The following COL24A1 variants were observed in gnomAD, a reference collection of about 807,000 sequenced individuals.
COL24A1 encodes the protein collagen type XXIV alpha 1 chain.
A neutral mutation model predicts 253.9 loss-of-function variants in COL24A1; 224 were observed. The observed-to-expected ratio is 0.88, with a 90% CI of 0.79 to 0.99. COL24A1 has a LOEUF of 0.99. COL24A1 is among the 50% of genes least tolerant of loss of function. COL24A1 has a pLI of 0.00. For synonymous variants in COL24A1, 685 were observed against 673.7 expected, an observed-to-expected ratio of 1.02 and a Z score of -0.26; for missense variants, 2,131 against 2,068.5, an observed-to-expected ratio of 1.03 and a Z score of -0.59.
At chr1:86,073,416 T>C (rs980496260) in intron 7 of COL24A1, among the ~76,000 whole-genome samples, 2 of 151,698 alleles carry the variant, frequency 1.3e-5, no homozygotes, top group Non-Finnish European at 2.9e-5. Flanking sequence ...GAAGACAAGA[T>C]TAGAGAAAAA....
At chr1:85,892,690 T>C (rs1185393079) in intron 31 of COL24A1, among the ~76,000 whole-genome samples, 1 of 152,086 alleles carries the variant, frequency 6.6e-6, no homozygotes, top group Non-Finnish European at 1.5e-5. Flanking sequence ...TATATGTAGA[T>C]GTAATACATA....
At chr1:85,950,728 A>C (rs1357119577) in intron 24 of COL24A1, among the ~76,000 whole-genome samples, 1 of 152,224 alleles carries the variant, frequency 6.6e-6, no homozygotes, top group East Asian at 1.9e-4. Context: ...AGAAGGGAAA[A>C]GACATATTCA....
At chr1:85,900,222 C>T (rs530498994) in intron 28 of COL24A1, among the ~76,000 whole-genome samples, 1 of 152,246 alleles carries the variant, frequency 6.6e-6, no homozygotes, top group East Asian at 1.9e-4. Flanking sequence ...ATACCAATGT[C>T]ATTTTTCACA....
intron 7 of COL24A1, among the ~76,000 whole-genome samples, chr1:86,072,711 C>T (rs1428155450): frequency 7.2e-5 from 11 of 152,098 alleles, no homozygotes; most frequent in Admixed American, 7.2e-4. Context: ...CAGCAGGGGT[C>T]GACAGACACC....
At chr1:85,825,368 A>G (rs1243657342) in intron 43 of COL24A1, among the ~76,000 whole-genome samples, 2 of 152,028 alleles carry the variant, frequency 1.3e-5, no homozygotes, top group Non-Finnish European at 1.5e-5. Flanking sequence ...ATTGTGAATA[A>G]CGCCGCAATA....
At chr1:85,993,617 G>C (rs917411334) in intron 19 of COL24A1, among the ~76,000 whole-genome samples, 1 of 151,980 alleles carries the variant, frequency 6.6e-6, no homozygotes, top group Non-Finnish European at 1.5e-5. Context: ...GGGTTTGACA[G>C]ATATGTTCAT....
intron 35 of COL24A1, among the ~76,000 whole-genome samples, chr1:85,871,497 C>A (rs1366751496): frequency 6.6e-6 from 1 of 152,186 alleles, no homozygotes; most frequent in South Asian, 2.1e-4. Context: ...GCTTATCCAC[C>A]ATGATCAAGT....
At position 85,737,391 on chromosome 1, in the gene COL24A1, C is replaced by T; in HGVS notation, c.4782+5G>A. 1 of 1,599,666 alleles carries T rather than the reference C, an allele frequency of 6.3e-7. No individual in the cohort carries two copies. Among genetic ancestry groups the T allele is most frequent in the Non-Finnish European group, 8.6e-7 (1 of 1,169,052 alleles). On this transcript the variant is annotated splice_donor_5th_base_variant and intron_variant, in intron 58 of 59. Transcript: ENST00000370571. ...CGACATGTGTTCTAAAATTCAGTAACATACCTTTGTTACAGAAACAGGAGG... is the reference window on the plus strand; with the variant it reads ...CGACATGTGTTCTAAAATTCAGTAATATACCTTTGTTACAGAAACAGGAGG...
At chr1:86,119,524 C>T (rs1706505514) in intron 3 of COL24A1, among the ~76,000 whole-genome samples, 1 of 152,072 alleles carries the variant, frequency 6.6e-6, no homozygotes, top group African/African-American at 2.4e-5. Context: ...ACAAGAAGAG[C>T]ACAAATCCCC....
chr1:86,101,749 T>C (rs1704473422), intron 5 of COL24A1, among the ~76,000 whole-genome samples: 1 of 152,200 alleles, frequency 6.6e-6, no homozygotes, highest in Admixed American at 6.5e-5. Context: ...TTGATCATAG[T>C]GGATAAGTTT....
intron 42 of COL24A1, among the ~76,000 whole-genome samples, chr1:85,838,861 T>G (rs1036810305): frequency 6.6e-6 from 1 of 152,206 alleles, no homozygotes. Context: ...AATCTCATAA[T>G]GATTCTACTA....
intron 37 of COL24A1, among the ~76,000 whole-genome samples, chr1:85,858,943 G>T (rs984190576): frequency 6.6e-6 from 1 of 151,888 alleles, no homozygotes; most frequent in African/African-American, 2.4e-5. Flanking sequence ...TCTTTATGTT[G>T]CCCAGGCTGG....
intron 56 of COL24A1, 63 bp from the exon 57 acceptor site, chr1:85,744,897 C>T: frequency 7.8e-7 from 1 of 1,286,602 alleles, no homozygotes; most frequent in South Asian, 1.3e-5. Flanking sequence ...TGGGCCAAGG[C>T]AGGAGAAGAA....
At chr1:85,825,254 C>T (rs1674146124) in intron 43 of COL24A1, among the ~76,000 whole-genome samples, 2 of 151,982 alleles carry the variant, frequency 1.3e-5, no homozygotes, top group South Asian at 2.1e-4. Flanking sequence ...GACATGAACT[C>T]ATCATTTTTT....
intron 2 of COL24A1, among the ~76,000 whole-genome samples, chr1:86,137,330 C>T (rs1245937585): frequency 6.6e-6 from 1 of 152,054 alleles, no homozygotes; most frequent in Non-Finnish European, 1.5e-5. Context: ...TTTCCATGTA[C>T]CAAGCACTAT....
chr1:85,942,877 AG>A (rs955286311), intron 24 of COL24A1, among the ~76,000 whole-genome samples: 1 of 152,130 alleles, frequency 6.6e-6, no homozygotes, highest in Non-Finnish European at 1.5e-5. Context: ...CAAATTGATG[AG>A]GGGTAGACTC....
At chr1:86,001,966 A>T (rs916658851) in intron 19 of COL24A1, among the ~76,000 whole-genome samples, 6 of 152,346 alleles carry the variant, frequency 3.9e-5, no homozygotes, top group African/African-American at 1.2e-4. Flanking sequence ...TGATAATTGA[A>T]TATTGACTTC....
At chr1:85,927,392 A>T (rs936692050) in intron 24 of COL24A1, among the ~76,000 whole-genome samples, 2 of 148,772 alleles carry the variant, frequency 1.3e-5, no homozygotes, top group Non-Finnish European at 3.0e-5. Flanking sequence ...GAAACGGCGC[A>T]CCACGAGACT....
intron 33 of COL24A1, 103 bp from the exon 34 acceptor site, chr1:85,875,433 A>T: frequency 1.2e-6 from 1 of 817,018 alleles, no homozygotes; most frequent in East Asian, 2.5e-5. Context: ...CCAAAAGGGC[A>T]TAATTGCTGT....
Sources: allele counts gnomAD v4.1 joint callset (sites outside exome capture counted in the v4.1 genomes callset), GRCh38; gene constraint gnomAD v4.1.1; transcripts MANE v1.5; gene names NCBI Gene and HGNC (gene_info 2026-07-23, HGNC 2026-07-21).